The following ATP8A2 variants were observed in gnomAD, a reference collection of about 807,000 sequenced individuals.
ATP8A2 encodes the protein ATPase phospholipid transporting 8A2.
Under a neutral mutation model 165.6 loss-of-function variants are expected in ATP8A2, and 100 were observed. The observed-to-expected ratio is 0.60, with a 90% CI of 0.51 to 0.71. The LOEUF (loss-of-function observed/expected upper bound fraction) is 0.71, where lower values mean the gene tolerates loss of function less well. Ranked by LOEUF, ATP8A2 falls within the 30% of genes least tolerant of loss-of-function variation. ATP8A2 has a pLI of 0.00. For missense variants in ATP8A2, 1,227 were observed against 1,479.5 expected, an observed-to-expected ratio of 0.83 and a Z score of 2.80; for synonymous variants, 543 against 548.8, an observed-to-expected ratio of 0.99 and a Z score of 0.15.
At chr13:26,006,733 G>T (rs1316467007) in intron 35 of ATP8A2, among the ~76,000 whole-genome samples, 5 of 151,830 alleles carry the variant, frequency 3.3e-5, no homozygotes, top group African/African-American at 1.2e-4. Flanking sequence ...AAAGAGTACT[G>T]AATTTTGTCA....
At chr13:25,895,742 T>G (rs1199052399) in intron 33 of ATP8A2, among the ~76,000 whole-genome samples, 1 of 152,380 alleles carries the variant, frequency 6.6e-6, no homozygotes, top group Non-Finnish European at 1.5e-5. Context: ...AGATTCAACT[T>G]ATTCCTGGTT....
intron 25 of ATP8A2, among the ~76,000 whole-genome samples, chr13:25,765,348 T>A (rs541431345): frequency 1.3e-5 from 2 of 152,312 alleles, no homozygotes; most frequent in East Asian, 3.9e-4. Context: ...ATAGGTTGAA[T>A]TATTATATGT....
chr13:25,438,988 G>A (rs9581345), intron 1 of ATP8A2, among the ~76,000 whole-genome samples: 1 of 152,188 alleles, frequency 6.6e-6, no homozygotes, highest in East Asian at 1.9e-4. Context: ...GTGGAAAGGA[G>A]GCATGATCCC....
At chr13:25,461,217 G>A (rs781598180) in intron 1 of ATP8A2, among the ~76,000 whole-genome samples, 3 of 152,206 alleles carry the variant, frequency 2.0e-5, no homozygotes, top group South Asian at 2.1e-4. Flanking sequence ...GCAGATGCTA[G>A]ATTTGGAGAG....
chr13:25,500,291 C>A (rs2036814252), intron 2 of ATP8A2, among the ~76,000 whole-genome samples: 1 of 152,118 alleles, frequency 6.6e-6, no homozygotes, highest in African/African-American at 2.4e-5. Flanking sequence ...TTCAAGGGAA[C>A]TCAATTATGT....
chr13:25,618,221 A>G (rs1302541746), intron 24 of ATP8A2, among the ~76,000 whole-genome samples: 1 of 152,158 alleles, frequency 6.6e-6, no homozygotes, highest in African/African-American at 2.4e-5. Context: ...TAGAATGGAA[A>G]GATTGAGAGT....
chr13:25,542,208 C>T (rs2038501201), intron 9 of ATP8A2, among the ~76,000 whole-genome samples, 162 bp downstream of exon 9: 3 of 151,908 alleles, frequency 2.0e-5, no homozygotes, highest in South Asian at 4.2e-4. Flanking sequence ...AGAAAAAAAC[C>T]CTGAGCCCAA....
intron 25 of ATP8A2, among the ~76,000 whole-genome samples, chr13:25,699,835 T>C (rs1593217772): frequency 6.6e-6 from 1 of 151,998 alleles, no homozygotes; most frequent in African/African-American, 2.4e-5. Flanking sequence ...CTTCCCTTCC[T>C]GGGAAGGTTT....
At chr13:25,851,853 A>T (rs927139529) in intron 30 of ATP8A2, among the ~76,000 whole-genome samples, 3 of 16,734 alleles carry the variant, frequency 1.8e-4, no homozygotes, top group African/African-American at 3.8e-4. Flanking sequence ...TCTTTTAAAA[A>T]TGTTTTTTTC....
intron 26 of ATP8A2, among the ~76,000 whole-genome samples, chr13:25,772,036 G>T (rs956604699): frequency 6.6e-6 from 1 of 152,260 alleles, no homozygotes; most frequent in East Asian, 1.9e-4. Flanking sequence ...GGAAAGTTAC[G>T]AAGTGGGCAA....
intron 27 of ATP8A2, among the ~76,000 whole-genome samples, chr13:25,826,524 A>C (rs906243256): frequency 2.0e-5 from 3 of 152,108 alleles, no homozygotes; most frequent in Admixed American, 1.3e-4. Flanking sequence ...CAAGAAACGC[A>C]GTCTGGTGGA....
chr13:25,729,793 C>A (rs2043577521), intron 25 of ATP8A2, among the ~76,000 whole-genome samples: 1 of 152,080 alleles, frequency 6.6e-6, no homozygotes, highest in South Asian at 2.1e-4. Flanking sequence ...CTAGCACTTC[C>A]TAAACTGTAG....
At chr13:25,844,709 C>A (rs1040118797) in intron 30 of ATP8A2, among the ~76,000 whole-genome samples, 2 of 152,156 alleles carry the variant, frequency 1.3e-5, no homozygotes. Flanking sequence ...AGCCATCCCT[C>A]AGATGGCCAC....
chr13:25,748,677 T>G (rs1226674937), intron 25 of ATP8A2, among the ~76,000 whole-genome samples: 2 of 152,176 alleles, frequency 1.3e-5, no homozygotes, highest in Non-Finnish European at 2.9e-5. Context: ...GGTTTAGATG[T>G]TTCTGCTTCA....
intron 2 of ATP8A2, 35 bp from the exon 3 acceptor site, chr13:25,529,964 A>G (rs771175761): frequency 5.7e-6 from 7 of 1,217,788 alleles, no homozygotes; most frequent in South Asian, 1.3e-5. Context: ...GTTTACATCT[A>G]TAACTGATAG....
intron 30 of ATP8A2, among the ~76,000 whole-genome samples, chr13:25,840,156 T>C (rs1951719609): frequency 1.3e-5 from 2 of 152,216 alleles, no homozygotes; most frequent in African/African-American, 4.8e-5. Context: ...TAGAAGAGGA[T>C]GTCTGAGAAC....
At chr13:25,636,717 C>G (rs2041377009) in intron 24 of ATP8A2, among the ~76,000 whole-genome samples, 2 of 152,134 alleles carry the variant, frequency 1.3e-5, no homozygotes, top group Non-Finnish European at 1.5e-5. Context: ...TTATTATTCC[C>G]TAGTTTTTAG....
chr13:25,415,273 G>A (rs2034099838), intron 1 of ATP8A2, among the ~76,000 whole-genome samples: 1 of 152,120 alleles, frequency 6.6e-6, no homozygotes, highest in South Asian at 2.1e-4. Context: ...AAATCTTGGG[G>A]CAATGCTTGA....
At chr13:25,606,049 A>G (rs533463283) in intron 24 of ATP8A2, among the ~76,000 whole-genome samples, 4 of 152,282 alleles carry the variant, frequency 2.6e-5, no homozygotes, top group African/African-American at 9.6e-5. Context: ...AGAGCTTACC[A>G]CAGTTCTGCA....
Sources: gnomAD v4.1 joint callset for allele counts (sites outside exome capture counted in the v4.1 genomes callset) on GRCh38, gnomAD v4.1.1 for gene constraint, MANE v1.5 for transcripts, NCBI Gene and HGNC (gene_info 2026-07-23, HGNC 2026-07-21) for gene names.